XRRA1: variants seen among roughly 807,000 people sequenced by gnomAD.
XRRA1 encodes X-ray radiation resistance-associated protein 1.
XRRA1 carries 69 observed loss-of-function variants against 80.2 expected under a neutral mutation model. That is an observed-to-expected ratio of 0.86 (90% CI 0.71 to 1.05). XRRA1 has a LOEUF of 1.05. Among genes scored for constraint, XRRA1 ranks in the 50% least tolerant of loss-of-function variants. XRRA1 has a pLI of 0.00. For missense variants in XRRA1, 967 were observed against 976.4 expected (o/e 0.99, Z 0.13); for synonymous variants, 348 against 389.9 (o/e 0.89, Z 1.27).
chr11:74,844,589 C>T (rs868030381), intron 16 of XRRA1, among the ~76,000 whole-genome samples: 15 of 152,162 alleles, frequency 9.9e-5, no homozygotes, highest in African/African-American at 3.6e-4. Context: ...GGGGTTATAT[C>T]GCAGGGGCTA....
chr11:74,890,602 A>G (rs1036234986), intron 10 of XRRA1, among the ~76,000 whole-genome samples: 1 of 152,344 alleles, frequency 6.6e-6, no homozygotes, highest in Non-Finnish European at 1.5e-5. Context: ...AAAAAAATCA[A>G]TGAATCCAGG....
chr11:74,890,495 G>C (rs1360119508), intron 10 of XRRA1, among the ~76,000 whole-genome samples: 1 of 152,124 alleles, frequency 6.6e-6, no homozygotes, highest in East Asian at 1.9e-4. Context: ...AAAAGAACTA[G>C]AGAAGCAAGA....
At chr11:74,848,787 G>A (rs771766435) in intron 14 of XRRA1, among the ~76,000 whole-genome samples, 4 of 152,150 alleles carry the variant, frequency 2.6e-5, no homozygotes, top group Non-Finnish European at 5.9e-5. Flanking sequence ...TTCCAGTCCT[G>A]GGCTCCAGGC....
At position 74,931,131 on chromosome 11, in the gene XRRA1, C is replaced by CGTGTGTGTGTGT. The variant is rs61614618; in HGVS notation, c.352-771_352-760dup. Among the ~76,000 whole-genome samples the CGTGTGTGTGTGT allele has an allele frequency of 5.4e-4, 80 of 149,502 alleles. No homozygotes were observed. The Middle Eastern group carries it at 0.01, about 20-fold the overall frequency. ...TCCCATATCTTTTTTTATGCTTATA[C>CGTGTGTGTGTGT]GTGTGTGTGTGTGTGTGTGTATCAA... On this transcript the variant is annotated intron_variant, in intron 5 of 18. Coordinates refer to ENST00000684022, the MANE Select transcript of XRRA1 (RefSeq NM_001378157.1).
chr11:74,882,420 T>C (rs1169428434), intron 10 of XRRA1, among the ~76,000 whole-genome samples: 7 of 151,630 alleles, frequency 4.6e-5, no homozygotes, highest in Admixed American at 2.0e-4. Context: ...TCTAAATTTT[T>C]TTCAAAGTTT....
At chr11:74,869,834 C>T (rs939398148) in intron 10 of XRRA1, among the ~76,000 whole-genome samples, 5 of 152,214 alleles carry the variant, frequency 3.3e-5, no homozygotes, top group Non-Finnish European at 7.3e-5. Flanking sequence ...CAAGCCATTT[C>T]TCTGGGATCC....
intron 10 of XRRA1, among the ~76,000 whole-genome samples, chr11:74,883,968 C>A (rs556580491): frequency 6.6e-6 from 1 of 152,226 alleles, no homozygotes; most frequent in East Asian, 1.9e-4. Flanking sequence ...GAGGCTGAGG[C>A]AGGCAGATCA....
chr11:74,846,077 G>A (rs2038058449), intron 15 of XRRA1: 1 of 152,136 alleles, frequency 6.6e-6, no homozygotes, highest in Non-Finnish European at 1.5e-5. Flanking sequence ...CCACCAGGTT[G>A]CCTAAGGAGA....
At position 74,927,332 on chromosome 11, in the gene XRRA1, A is replaced by G; in HGVS notation, c.522+59T>C. The G allele has an allele frequency of 6.8e-6, 7 of 1,031,838 alleles. No individual in the cohort carries two copies. In the South Asian group the frequency reaches 9.2e-5, roughly 14 times the overall value. The allele number at this position is 1,031,838 out of a possible 1,614,324, so 63.9% of individuals were successfully genotyped here. ...CAACAGTTATAATCAGTAAAGCTCT[A>G]TGCTCATTCCTTACAGGGGAACTTG... On this transcript the variant is annotated intron_variant, in intron 7 of 18. Transcript: ENST00000684022.
Position 74,845,136 on chromosome 11 carries a change from T to G in XRRA1, c.1864A>C (p.Lys622Gln), listed in dbSNP as rs774418666. 10 of 1,613,932 alleles carry G rather than the reference T, an allele frequency of 6.2e-6. No individual in the cohort carries two copies. Among genetic ancestry groups the G allele is most frequent in the Non-Finnish European group, 7.6e-6 (9 of 1,179,902 alleles). ...AGCAGTTCTTCATAGCCGTGGTACTTGCTGGGAAGGAAGGCAGTTGGGAGT... is the reference window on the plus strand; with the variant it reads ...AGCAGTTCTTCATAGCCGTGGTACTGGCTGGGAAGGAAGGCAGTTGGGAGT... ...RKLPTAFLPS[K>Q]YHGYEELLTA... is the part of the protein sequence containing the mutation. Residue 622 changes from lysine (K) to glutamine (Q), a missense_variant, in exon 16 of 19, where the codon AAG becomes CAG. Transcript: ENST00000684022.
chr11:74,874,348 C>T (rs935847332), intron 10 of XRRA1, among the ~76,000 whole-genome samples: 1 of 148,252 alleles, frequency 6.7e-6, no homozygotes, highest in African/African-American at 2.5e-5. Flanking sequence ...ACAAGCCTTA[C>T]TTAAGGTACC....
In XRRA1 at chr11:74,907,078, A is replaced by G. The variant is rs1169042845; in HGVS notation, c.785+67T>C. ...ACCCAAACCTTTTGGCTTCCAGAAC[A>G]GCACTCAGAGTGTGAGCAAGCCTGG... is the stretch of plus-strand genomic sequence containing the variant. On this transcript the variant is annotated intron_variant, in intron 9 of 18. Transcript: ENST00000684022. 1.9e-6 allele frequency: 3 copies of G among 1,598,440 alleles called. No individual in the cohort carries two copies. In the African/African-American group the frequency reaches 4.0e-5, roughly 21 times the overall value.
intron 7 of XRRA1, among the ~76,000 whole-genome samples, chr11:74,927,074 ACT>A (rs1255482404): frequency 1.3e-5 from 2 of 151,316 alleles, no homozygotes; most frequent in Non-Finnish European, 2.9e-5. Context: ...CTCCTTCAAT[ACT>A]CTGTTTTAAA....
intron 12 of XRRA1, among the ~76,000 whole-genome samples, chr11:74,852,668 G>C (rs1212788119): frequency 6.6e-6 from 1 of 152,242 alleles, no homozygotes; most frequent in Non-Finnish European, 1.5e-5. Flanking sequence ...CTGGGACACA[G>C]AGAATGCCCT....
intron 10 of XRRA1, among the ~76,000 whole-genome samples, chr11:74,875,888 CT>C (rs1348083476): frequency 6.6e-6 from 1 of 152,096 alleles, no homozygotes; most frequent in Non-Finnish European, 1.5e-5. Flanking sequence ...TAATAATCCC[CT>C]TAACAGGCAT....
intron 10 of XRRA1, among the ~76,000 whole-genome samples, chr11:74,883,101 T>A (rs1264794128): frequency 6.6e-6 from 1 of 151,938 alleles, no homozygotes; most frequent in Non-Finnish European, 1.5e-5. Flanking sequence ...CGGGCGCCCC[T>A]CCCCCAGCCT....
rs181737760 is a variant in XRRA1, at chr11:74,880,299, A to G, written c.1004-17278T>C. 9.0e-3 allele frequency among the ~76,000 whole-genome samples: 1,377 copies of G among 152,226 alleles called. 26 individuals carry two copies. The highest frequency in any genetic ancestry group is 0.031 in the African/African-American group (1,300 of 41,518). On this transcript the variant is annotated intron_variant, in intron 10 of 18. Coordinates refer to ENST00000684022, the MANE Select transcript of XRRA1 (RefSeq NM_001378157.1). ...TGATGGTAGTTTGTATTTCTGTGGG[A>G]TCGGTGGTGATATCCCCTTTATCAT...
At chr11:74,880,640 C>A (rs1182556131) in intron 10 of XRRA1, among the ~76,000 whole-genome samples, 1 of 150,884 alleles carries the variant, frequency 6.6e-6, no homozygotes, top group African/African-American at 2.4e-5. Context: ...TGAATGCGTC[C>A]CAGAGATTCT....
At chr11:74,895,494 G>C (rs2052058206) in intron 10 of XRRA1, among the ~76,000 whole-genome samples, 1 of 152,196 alleles carries the variant, frequency 6.6e-6, no homozygotes, top group Non-Finnish European at 1.5e-5. Context: ...AGGCAATCTA[G>C]GACACAAGAG....
Sources: gnomAD v4.1 joint callset for allele counts (sites outside exome capture counted in the v4.1 genomes callset) on GRCh38, gnomAD v4.1.1 for gene constraint, MANE v1.5 for transcripts, NCBI Gene and HGNC (gene_info 2026-07-23, HGNC 2026-07-21) for gene names.